Variants in ZDHHC3 observed in about 807,000 individuals in gnomAD.
The protein encoded by ZDHHC3 is zDHHC palmitoyltransferase 3.
A neutral mutation model predicts 30.6 loss-of-function variants in ZDHHC3; 9 were observed. The observed-to-expected ratio is 0.29, with a 90% CI of 0.18 to 0.51. The LOEUF (loss-of-function observed/expected upper bound fraction) is 0.51, where lower values mean the gene tolerates loss of function less well. Ranked by LOEUF, ZDHHC3 falls within the 20% of genes least tolerant of loss-of-function variation. ZDHHC3 has a pLI of 0.97. For missense variants in ZDHHC3, 246 were observed against 384.2 expected (o/e 0.64, Z 3.01); for synonymous variants, 136 against 140.2 (o/e 0.97, Z 0.21).
chr3:44,962,501 A>AAGGAAGGAAGGC (rs1704567738), intron 1 of ZDHHC3, among the ~76,000 whole-genome samples: 2 of 140,214 alleles, frequency 1.4e-5, no homozygotes. Flanking sequence ...AGAGAGAAGG[A>AAGGAAGGAAGGC]AGGAAGGAAG....
In ZDHHC3 at chr3:44,922,769, G is replaced by C. The variant is rs536697135; in HGVS notation, c.*3920C>G. On this transcript the variant is annotated 3_prime_UTR_variant, in exon 7 of 7. Transcript: ENST00000424952. Reference sequence around the variant, plus strand: ...GGTTCGGTAGCCTGGGGTGGGGACCGAGAATGTGCATTTCTAACAAGTTCT... The same window carrying C: ...GGTTCGGTAGCCTGGGGTGGGGACCCAGAATGTGCATTTCTAACAAGTTCT... 1.2e-5 allele frequency: 12 copies of C among 984,642 alleles called. No individual in the cohort carries two copies. In the African/African-American group the frequency reaches 2.1e-4, roughly 17 times the overall value. The allele number at this position is 984,642 out of a possible 1,614,324, so 61.0% of individuals were successfully genotyped here. A position where few individuals can be genotyped will look rare whatever the true frequency, so the allele number is the denominator to read the frequency against.
intron 5 of ZDHHC3, among the ~76,000 whole-genome samples, chr3:44,930,376 TGACA>T (rs1701388472): frequency 6.6e-6 from 1 of 152,232 alleles, no homozygotes; most frequent in African/African-American, 2.4e-5. Flanking sequence ...AAGATGGTGC[TGACA>T]GACAGGCTAG....
intron 5 of ZDHHC3, among the ~76,000 whole-genome samples, chr3:44,930,303 G>A (rs568661454): frequency 2.0e-5 from 3 of 152,352 alleles, no homozygotes; most frequent in Non-Finnish European, 4.4e-5. Context: ...CTGTGGAGAT[G>A]GTGGGGGTGA....
rs774066231 is a variant in ZDHHC3, at chr3:44,920,917, T to C, written c.*5772A>G. 2.0e-6 allele frequency: 2 copies of C among 985,342 alleles called. No homozygotes were observed. Among genetic ancestry groups the C allele is most frequent in the African/African-American group, 3.5e-5 (2 of 57,244 alleles). The allele number at this position is 985,342 out of a possible 1,614,324, so 61.0% of individuals were successfully genotyped here. A position where few individuals can be genotyped will look rare whatever the true frequency, so the allele number is the denominator to read the frequency against. ...GAAAATATTGCAAACAAATCCGATG[T>C]ATAAAAATGGGCTGAGGGCTGCTTT... On this transcript the variant is annotated 3_prime_UTR_variant, in exon 7 of 7. Coordinates refer to ENST00000424952, the MANE Select transcript of ZDHHC3 (RefSeq NM_001135179.2).
chr3:44,958,401 G>A (rs770845004), intron 2 of ZDHHC3, among the ~76,000 whole-genome samples: 6 of 152,186 alleles, frequency 3.9e-5, no homozygotes, highest in Admixed American at 1.3e-4. Flanking sequence ...CACGTCCCAC[G>A]TACTGAAACA....
chr3:44,922,145 C>T lies in ZDHHC3; in HGVS notation c.*4544G>A. On this transcript the variant is annotated 3_prime_UTR_variant, in exon 7 of 7. Coordinates refer to ENST00000424952, the MANE Select transcript of ZDHHC3 (RefSeq NM_001135179.2). ...TTCTGCTTCACTGTGAATTCTTTCT[C>T]TTCTATGAGGTGATCCTAAGCCAGA... 1 of 985,422 alleles carries T rather than the reference C, an allele frequency of 1.0e-6. No homozygotes were observed. The highest frequency in any genetic ancestry group is 1.2e-6 in the Non-Finnish European group (1 of 829,920). The allele number at this position is 985,422 out of a possible 1,614,324, so 61.0% of individuals were successfully genotyped here.
In ZDHHC3 at chr3:44,922,919, C is replaced by A; in HGVS notation, c.*3770G>T. On this transcript the variant is annotated 3_prime_UTR_variant, in exon 7 of 7. Coordinates refer to ENST00000424952, the MANE Select transcript of ZDHHC3 (RefSeq NM_001135179.2). The stretch of plus-strand genomic sequence containing the variant: ...CTAAGGGCACCTTCTAGGTGGGGCG[C>A]CTTCCCCTCTACTGGCTGGCTCACC... 2 of 985,316 alleles carry A rather than the reference C, an allele frequency of 2.0e-6. No individual in the cohort carries two copies. Among genetic ancestry groups the A allele is most frequent in the Non-Finnish European group, 2.4e-6 (2 of 829,922 alleles). 61.0% of individuals were successfully genotyped at this position (985,316 alleles called of 1,614,324 possible). A position where few individuals can be genotyped will look rare whatever the true frequency, so the allele number is the denominator to read the frequency against.
intron 2 of ZDHHC3, among the ~76,000 whole-genome samples, chr3:44,947,087 C>A (rs1168674081): frequency 6.6e-6 from 1 of 152,140 alleles, no homozygotes; most frequent in Non-Finnish European, 1.5e-5. Flanking sequence ...TCTGAATCTA[C>A]AAATGATGGT....
chr3:44,954,814 A>T (rs139673011), intron 2 of ZDHHC3, among the ~76,000 whole-genome samples: 19 of 152,122 alleles, frequency 1.2e-4, no homozygotes, highest in African/African-American at 4.3e-4. Context: ...TTGTCTCAGA[A>T]ATAAAGAAGC....
rs781691004 is a variant in ZDHHC3 at position 44,925,182 on chromosome 3, A to C, written c.*1507T>G. 2.6e-5 allele frequency: 26 copies of C among 985,746 alleles called. No individual in the cohort carries two copies. Among genetic ancestry groups the C allele is most frequent in the Non-Finnish European group, 2.9e-5 (24 of 829,948 alleles). The allele number at this position is 985,746 out of a possible 1,614,324, so 61.1% of individuals were successfully genotyped here. ...GCTAAATCAGAACAGGTTTTGGAAA[A>C]ATTTTATTGCATTTTGTTTCCATGT... On this transcript the variant is annotated 3_prime_UTR_variant, in exon 7 of 7. Transcript: ENST00000424952.
intron 2 of ZDHHC3, among the ~76,000 whole-genome samples, chr3:44,949,989 C>A (rs1267556098): frequency 6.6e-6 from 1 of 152,266 alleles, no homozygotes; most frequent in African/African-American, 2.4e-5. Context: ...GCACAAGCCA[C>A]CATGTCCAGC....
chr3:44,966,284 C>T (rs960937727), intron 1 of ZDHHC3, among the ~76,000 whole-genome samples: 1 of 152,122 alleles, frequency 6.6e-6, no homozygotes, highest in Non-Finnish European at 1.5e-5. Context: ...AAATTTGTTT[C>T]GAGTGAATAT....
intron 6 of ZDHHC3, among the ~76,000 whole-genome samples, chr3:44,928,528 G>C (rs1242897663): frequency 1.3e-5 from 2 of 152,156 alleles, no homozygotes; most frequent in Non-Finnish European, 1.5e-5. Flanking sequence ...GGCTCTGCTT[G>C]TTCCTCACAC....
intron 6 of ZDHHC3, among the ~76,000 whole-genome samples, chr3:44,928,691 C>G (rs952067075): frequency 6.6e-6 from 1 of 152,226 alleles, no homozygotes; most frequent in Non-Finnish European, 1.5e-5. Flanking sequence ...CAGTCTGGCA[C>G]AGCCAGCAGC....
intron 2 of ZDHHC3, among the ~76,000 whole-genome samples, chr3:44,946,682 C>A (rs1702966642): frequency 6.6e-6 from 1 of 152,060 alleles, no homozygotes; most frequent in Admixed American, 6.5e-5. Flanking sequence ...CTAGGTAGAC[C>A]TGTGGGAGAA....
At chr3:44,957,540 C>T (rs886257260) in intron 2 of ZDHHC3, among the ~76,000 whole-genome samples, 1 of 152,192 alleles carries the variant, frequency 6.6e-6, no homozygotes, top group Non-Finnish European at 1.5e-5. Context: ...GGCACCTCGC[C>T]CACATCACCA....
Position 44,918,230 on chromosome 3 carries a change from TGGCGGGGGGGGG to T in ZDHHC3, c.*8447_*8458del. 1.3e-6 allele frequency: 1 copy of T among 750,272 alleles called. No homozygotes were observed. Among genetic ancestry groups the T allele is most frequent in the Non-Finnish European group, 1.7e-6 (1 of 603,500 alleles). The allele number at this position is 750,272 out of a possible 1,614,324, so 46.5% of individuals were successfully genotyped here. On this transcript the variant is annotated 3_prime_UTR_variant, in exon 7 of 7. Transcript: ENST00000424952. ...GACACCCCCAGCTATAGCATAGCAGTGGCGGGGGGGGGGGCGGGGTGTCCACGGCATGGGTAA... is the reference window on the plus strand; with the variant it reads ...GACACCCCCAGCTATAGCATAGCAGTGGCGGGGTGTCCACGGCATGGGTAA...
chr3:44,940,583 C>A (rs111809086), intron 3 of ZDHHC3, among the ~76,000 whole-genome samples: 325 of 152,316 alleles, frequency 2.1e-3, no homozygotes, highest in Non-Finnish European at 3.6e-3. Context: ...CAGAAAAGAC[C>A]AAATGCCCTA....
rs1350708750 is a variant in ZDHHC3 at position 44,924,400 on chromosome 3, T to C, written c.*2289A>G. ...GGAACCTTGGGGTATTCCTATCTTC[T>C]GAGAGCAACTGGTTTGAGAGCTCAG... On this transcript the variant is annotated 3_prime_UTR_variant, in exon 7 of 7. Transcript: ENST00000424952. The C allele has an allele frequency of 1.0e-6, 1 of 985,462 alleles. No homozygotes were observed. Among genetic ancestry groups the C allele is most frequent in the African/African-American group, 1.7e-5 (1 of 57,366 alleles). The allele number at this position is 985,462 out of a possible 1,614,324, so 61.0% of individuals were successfully genotyped here. A position where few individuals can be genotyped will look rare whatever the true frequency, so the allele number is the denominator to read the frequency against.
Sources: gnomAD v4.1 joint callset for allele counts (sites outside exome capture counted in the v4.1 genomes callset) on GRCh38, gnomAD v4.1.1 for gene constraint, MANE v1.5 for transcripts, NCBI Gene and HGNC (gene_info 2026-07-23, HGNC 2026-07-21) for gene names.